ARID3A: variants seen among roughly 807,000 people sequenced by gnomAD.
ARID3A encodes the protein AT-rich interaction domain 3A.
Under a neutral mutation model 52.7 loss-of-function variants are expected in ARID3A, and 11 were observed. That is an observed-to-expected ratio of 0.21 (90% confidence interval 0.13 to 0.35). The LOEUF is 0.35. Ranked by LOEUF, ARID3A falls within the 10% of genes least tolerant of loss-of-function variation. ARID3A has a pLI of 1.00. For synonymous variants in ARID3A, 404 were observed against 359.4 expected (o/e 1.12, Z -1.40); for missense variants, 721 against 838.5 (o/e 0.86, Z 1.73).
chr19:965,237 T>TA, intron 6 of ARID3A, 157 bp downstream of exon 6: 8 of 823,376 alleles, frequency 9.7e-6, no homozygotes, highest in Non-Finnish European at 1.5e-5. Flanking sequence ...CCTCTGCCTA[T>TA]GGCAGACATT....
At position 959,422 on chromosome 19, in the gene ARID3A, A is replaced by C. The variant is rs1255741747; in HGVS notation, c.694-670A>C. 2.6e-5 allele frequency among the ~76,000 whole-genome samples: 4 copies of C among 152,030 alleles called. No homozygotes were observed. Among genetic ancestry groups the C allele is most frequent in the Non-Finnish European group, 5.9e-5 (4 of 68,010 alleles). On this transcript the variant is annotated intron_variant, in intron 3 of 8. Coordinates refer to ENST00000263620, the MANE Select transcript of ARID3A (RefSeq NM_005224.3). This position sits in a 1 kb window ranked among gnomAD's most constrained non-coding sequence, Gnocchi z 5.0. ...CCGAGTAGCCGGGACTGTAGGCATG[A>C]GCCACCCCACCTGGGTAACTTTTTG...
In ARID3A at chr19:973,408, T is replaced by TGGCC. The variant is rs745875704; in HGVS notation, c.*1344_*1347dup. On this transcript the variant is annotated 3_prime_UTR_variant, in exon 9 of 9. Transcript: ENST00000263620. ...GGATTACAGGCATGAGCCGCCACGC[T>TGGCC]GGCCCGGTCTGGAAATCTTATCTAA... is the stretch of plus-strand genomic sequence containing the variant. The TGGCC allele has an allele frequency of 7.3e-5, 14 of 192,414 alleles. No homozygotes were observed. The highest frequency in any genetic ancestry group is 1.3e-4 in the Non-Finnish European group (12 of 91,952). The allele number at this position is 192,414 out of a possible 1,614,324, so 11.9% of individuals were successfully genotyped here.
At chr19:956,437 G>C (rs768730930) in intron 3 of ARID3A, 2 of 152,616 alleles carry the variant, frequency 1.3e-5, no homozygotes, top group African/African-American at 4.8e-5. Flanking sequence ...ACGGGGTCTC[G>C]GAGGAAGAAC....
Position 944,061 on chromosome 19 carries a change from T to TCTG in ARID3A, c.693+11320_693+11322dup, listed in dbSNP as rs10636599. 0.97 allele frequency among the ~76,000 whole-genome samples: 138,451 copies of TCTG among 142,732 alleles called. 67,132 individuals are homozygous for TCTG. The highest frequency in any genetic ancestry group is 0.99 in the East Asian group (4,728 of 4,762). The allele number at this position is 142,732 out of a possible 152,430, so 93.6% of individuals were successfully genotyped here. A position where few individuals can be genotyped will look rare whatever the true frequency, so the allele number is the denominator to read the frequency against. ...CCCTCTCATGGGCACTTACGGGGCA[T>TCTG]CTGTATGCCAGCCCGACCCTCTCAT... is the stretch of plus-strand genomic sequence containing the variant. On this transcript the variant is annotated intron_variant, in intron 3 of 8. Coordinates refer to ENST00000263620, the MANE Select transcript of ARID3A (RefSeq NM_005224.3). The surrounding 1 kb of genome is among the most constrained non-coding windows in gnomAD (Gnocchi z 5.9).
chr19:943,888 T>C (rs1426650547), intron 3 of ARID3A, among the ~76,000 whole-genome samples: 1 of 152,196 alleles, frequency 6.6e-6, no homozygotes, highest in Non-Finnish European at 1.5e-5. Context: ...GCACCTGCTG[T>C]ATGCCAGCCC....
intron 4 of ARID3A, among the ~76,000 whole-genome samples, chr19:961,217 C>T (rs879260217): frequency 2.0e-5 from 3 of 152,262 alleles, no homozygotes; most frequent in South Asian, 2.1e-4. Context: ...CACAGGGGCC[C>T]GCTGTGTCCC....
chr19:949,488 G>A (rs1450374234), intron 3 of ARID3A, among the ~76,000 whole-genome samples: 2 of 152,108 alleles, frequency 1.3e-5, no homozygotes, highest in Non-Finnish European at 2.9e-5. Context: ...AGCATTGGAG[G>A]AAGGAAAGCT....
intron 2 of ARID3A, 139 bp from the exon 3 acceptor site, chr19:932,279 C>A: frequency 6.8e-7 from 1 of 1,479,026 alleles, no homozygotes; most frequent in Non-Finnish European, 9.0e-7. Context: ...CATGAGCGCT[C>A]TCTGCAGTCT....
chr19:950,886 G>A (rs1041497429), intron 3 of ARID3A, among the ~76,000 whole-genome samples: 1 of 151,908 alleles, frequency 6.6e-6, no homozygotes, highest in Non-Finnish European at 1.5e-5. Context: ...GCAATGGCAC[G>A]ATCTCAGCTC....
chr19:944,681 C>T lies in ARID3A; in HGVS notation c.693+11939C>T, dbSNP rs945854615. 2.0e-5 allele frequency among the ~76,000 whole-genome samples: 3 copies of T among 152,102 alleles called. No homozygotes were observed. Among genetic ancestry groups the T allele is most frequent in the Admixed American group, 1.3e-4 (2 of 15,274 alleles). ...CGTGCTGTCACCCAGGCTGGAGTGC[C>T]GCGGTGCAGTCATAGCTCACTGCAG... On this transcript the variant is annotated intron_variant, in intron 3 of 8. Transcript: ENST00000263620. This position sits in a 1 kb window ranked among gnomAD's most constrained non-coding sequence, Gnocchi z 5.9.
intron 4 of ARID3A, among the ~76,000 whole-genome samples, chr19:961,291 G>A (rs942955770): frequency 2.0e-5 from 3 of 152,164 alleles, no homozygotes; most frequent in South Asian, 2.1e-4. Context: ...ACTGCCAGCC[G>A]CCCGGAAGGG....
chr19:945,161 G>C (rs377468610), intron 3 of ARID3A, among the ~76,000 whole-genome samples: 44 of 152,330 alleles, frequency 2.9e-4, no homozygotes, highest in African/African-American at 1.1e-3. Context: ...ATGCCACCTG[G>C]GGGGAGAGAG....
chr19:951,311 C>T (rs948428853), intron 3 of ARID3A, among the ~76,000 whole-genome samples: 1 of 151,340 alleles, frequency 6.6e-6, no homozygotes, highest in Non-Finnish European at 1.5e-5. Context: ...AATCCCAGCA[C>T]TTTGGGAGGC....
chr19:962,587 T>C (rs1005002208), intron 4 of ARID3A, among the ~76,000 whole-genome samples: 10 of 147,958 alleles, frequency 6.8e-5, no homozygotes, highest in Admixed American at 4.8e-4. Context: ...GGGTCTCGGC[T>C]CTCTGCAACC....
At chr19:935,623 G>A (rs924824316) in intron 3 of ARID3A, among the ~76,000 whole-genome samples, 3 of 151,576 alleles carry the variant, frequency 2.0e-5, no homozygotes, top group Middle Eastern at 3.5e-3. Flanking sequence ...GAGTACAGAC[G>A]GGCGCCACCA....
At chr19:955,068 G>C (rs1318568336) in intron 3 of ARID3A, among the ~76,000 whole-genome samples, 1 of 152,176 alleles carries the variant, frequency 6.6e-6, no homozygotes, top group African/African-American at 2.4e-5. Context: ...TGACGTTTCA[G>C]AGGGGCAGGG....
Position 972,898 on chromosome 19 carries a change from A to G in ARID3A, c.*833A>G, listed in dbSNP as rs569510454. On this transcript the variant is annotated 3_prime_UTR_variant, in exon 9 of 9. Transcript: ENST00000263620. Reference sequence around the variant, plus strand: ...GTCCATTTCTGGGGGTGCGTTGGGCAGCTGTGAGCCCAGCACATCGGATCC... The same window carrying G: ...GTCCATTTCTGGGGGTGCGTTGGGCGGCTGTGAGCCCAGCACATCGGATCC... The G allele has an allele frequency of 6.6e-5, 12 of 182,088 alleles. No individual in the cohort carries two copies. The South Asian group carries it at 1.6e-3, about 25-fold the overall frequency. The allele number at this position is 182,088 out of a possible 1,614,324, so 11.3% of individuals were successfully genotyped here.
chr19:957,115 G>C (rs936298675), intron 3 of ARID3A, among the ~76,000 whole-genome samples: 4 of 474 alleles, frequency 8.4e-3, no homozygotes, highest in Middle Eastern at 0.5. Flanking sequence ...CCTGTGGGTG[G>C]GGGGGGGCGC....
intron 2 of ARID3A, among the ~76,000 whole-genome samples, chr19:931,460 A>G (rs945297170): frequency 6.6e-6 from 1 of 150,434 alleles, no homozygotes; most frequent in African/African-American, 2.4e-5. Flanking sequence ...TCAAAAAAAA[A>G]AAAAAAACAA....
Sources: gnomAD v4.1 joint callset for allele counts (sites outside exome capture counted in the v4.1 genomes callset) on GRCh38, gnomAD v4.1.1 for gene constraint, Gnocchi (gnomAD v3.1) non-coding constraint, MANE v1.5 for transcripts, NCBI Gene and HGNC (gene_info 2026-07-23, HGNC 2026-07-21) for gene names.